The following ZMAT5 variants were observed in gnomAD, a reference collection of about 807,000 sequenced individuals.
The protein encoded by ZMAT5 is zinc finger matrin-type protein 5.
Under a neutral mutation model 28.0 loss-of-function variants are expected in ZMAT5, and 23 were observed. The observed-to-expected ratio is 0.82, with a 90% CI of 0.59 to 1.16. ZMAT5 has a LOEUF of 1.16. Ranked by LOEUF, ZMAT5 falls within the 50% of genes most tolerant of loss-of-function variation. The pLI is 0.00. For missense variants in ZMAT5, 173 were observed against 212.7 expected, an observed-to-expected ratio of 0.81 and a Z score of 1.16; for synonymous variants, 76 against 84.1, an observed-to-expected ratio of 0.90 and a Z score of 0.52.
rs776429922 is a variant in ZMAT5, at chr22:29,748,430, C to T, written c.115G>A (p.Asp39Asn). Residue 39 changes from aspartate (D) to asparagine (N), a missense_variant, in exon 2 of 6, where the codon GAC becomes AAC. Coordinates refer to ENST00000344318, the MANE Select transcript of ZMAT5 (RefSeq NM_001003692.2). ...QHLKAKKVWY[D>N]MFRDAAAILL... ...CAGCGGCACCCACCTCGGAACATGT[C>T]GTACCAGACCTTCTTGGCCTTGAGG... 2 of 1,614,228 alleles carry T rather than the reference C, an allele frequency of 1.2e-6. No individual in the cohort carries two copies. The highest frequency in any genetic ancestry group is 1.1e-5 in the South Asian group (1 of 91,080).
intron 5 of ZMAT5, among the ~76,000 whole-genome samples, chr22:29,733,848 A>G (rs2067877937): frequency 6.6e-6 from 1 of 152,216 alleles, no homozygotes; most frequent in Admixed American, 6.5e-5. Context: ...GTAGACAGGC[A>G]TACCCAGTGC....
chr22:29,753,332 C>T (rs2068071051), intron 1 of ZMAT5, among the ~76,000 whole-genome samples: 1 of 152,214 alleles, frequency 6.6e-6, no homozygotes, highest in African/African-American at 2.4e-5. Flanking sequence ...AGAGACCAGC[C>T]TGGCCAACAC....
At chr22:29,739,936 C>T (rs1649515610) in intron 4 of ZMAT5, among the ~76,000 whole-genome samples, 1 of 152,228 alleles carries the variant, frequency 6.6e-6, no homozygotes, top group Non-Finnish European at 1.5e-5. Flanking sequence ...CTGCCCCAGA[C>T]CTTCACTGGC....
rs1039492416 is a variant in ZMAT5 at position 29,756,846 on chromosome 22, G to A, written c.-27-8275C>T. 3.3e-5 allele frequency among the ~76,000 whole-genome samples: 5 copies of A among 152,040 alleles called. No homozygotes were observed. The East Asian group carries it at 7.7e-4, about 24-fold the overall frequency. On this transcript the variant is annotated intron_variant, in intron 1 of 5. Transcript: ENST00000344318. ...GTGGATCACCTGAGGTCAAGAGTTC[G>A]AGGCTATCATGGTGAAACCCCATCT...
At chr22:29,744,310 G>A (rs1185198065) in intron 2 of ZMAT5, among the ~76,000 whole-genome samples, 1 of 150,952 alleles carries the variant, frequency 6.6e-6, no homozygotes, top group Non-Finnish European at 1.5e-5. Context: ...CCACTTTGCA[G>A]AGGGGAAAAC....
intron 1 of ZMAT5, among the ~76,000 whole-genome samples, chr22:29,759,088 G>T (rs1236877145): frequency 1.3e-5 from 2 of 152,220 alleles, no homozygotes; most frequent in African/African-American, 4.8e-5. Flanking sequence ...CCCAAGGCCT[G>T]GTGAAGGTCG....
intron 2 of ZMAT5, chr22:29,746,132 C>T (rs1467140220): frequency 6.6e-6 from 1 of 152,136 alleles, no homozygotes; most frequent in Non-Finnish European, 1.5e-5. Context: ...GCCACCATGC[C>T]TGGCTAATTT....
chr22:29,751,927 T>C (rs975209036), intron 1 of ZMAT5, among the ~76,000 whole-genome samples: 9 of 152,032 alleles, frequency 5.9e-5, no homozygotes, highest in African/African-American at 2.2e-4. Context: ...GACTGAGCCA[T>C]TGTACTCCAG....
chr22:29,738,408 G>C lies in ZMAT5; in HGVS notation c.305C>G (p.Ala102Gly). 1 of 1,610,730 alleles carries C rather than the reference G, an allele frequency of 6.2e-7. No homozygotes were observed. Among genetic ancestry groups the C allele is most frequent in the South Asian group, 1.1e-5 (1 of 91,028 alleles). ...CAGATGGCCCTCGGGGAGCTCAGGA[G>C]CATCTAGTAGCCACTCCCTGGCTCG... ...ERRAREWLLDAPELPEGHLED... is the reference protein window; with the variant it reads ...ERRAREWLLDGPELPEGHLED... The change falls in exon 5 of 6, where the codon GCT becomes GGT. Residue 102 changes from alanine to glycine, a missense_variant. Transcript: ENST00000344318.
chr22:29,745,097 G>A (rs1034945102), intron 2 of ZMAT5, among the ~76,000 whole-genome samples: 4 of 152,230 alleles, frequency 2.6e-5, no homozygotes, highest in Admixed American at 6.5e-5. Flanking sequence ...AGAACAAGTC[G>A]GAGCTGGTCC....
At chr22:29,739,227 C>T (rs1216441368) in intron 4 of ZMAT5, among the ~76,000 whole-genome samples, 1 of 152,110 alleles carries the variant, frequency 6.6e-6, no homozygotes, top group Non-Finnish European at 1.5e-5. Context: ...AACCAATCAA[C>T]GAATGGAATT....
chr22:29,740,743 G>C lies in ZMAT5; in HGVS notation c.191-13C>G, dbSNP rs1435212356. ...AAGTCGCACTGGCCTGCAGCAGGAAGACAGAGTTACTCGCTGCTCGGGAGG... is the reference window on the plus strand; with the variant it reads ...AAGTCGCACTGGCCTGCAGCAGGAACACAGAGTTACTCGCTGCTCGGGAGG... On this transcript the variant is annotated splice_polypyrimidine_tract_variant and intron_variant, in intron 3 of 5. Transcript: ENST00000344318. 6.3e-7 allele frequency: 1 copy of C among 1,586,392 alleles called. No individual in the cohort carries two copies. The highest frequency in any genetic ancestry group is 1.8e-5 in the Admixed American group (1 of 55,052).
At position 29,740,617 on chromosome 22, in the gene ZMAT5, C is replaced by T. The variant is rs2232900; in HGVS notation, c.271+33G>A. On this transcript the variant is annotated intron_variant, in intron 4 of 5. Coordinates refer to ENST00000344318, the MANE Select transcript of ZMAT5 (RefSeq NM_001003692.2). The stretch of plus-strand genomic sequence containing the variant: ...AGAGCCCACATGCCCCAGCACCCCA[C>T]TCCCGCTTAGCCCAGGGCATCCCGA... 12,535 of 1,567,232 alleles carry T rather than the reference C, an allele frequency of 8.0e-3. 71 individuals carry two copies. The highest frequency in any genetic ancestry group is 9.0e-3 in the Non-Finnish European group (10,345 of 1,154,088).
rs747973696 is a variant in ZMAT5, at chr22:29,738,415, G to C, written c.298C>G (p.Leu100Val). 9 of 1,609,864 alleles carry C rather than the reference G, an allele frequency of 5.6e-6. No homozygotes were observed. The highest frequency in any genetic ancestry group is 7.6e-6 in the Non-Finnish European group (9 of 1,179,740). ...CCCTCGGGGAGCTCAGGAGCATCTAGTAGCCACTCCCTGGCTCGCCTCTCC... is the reference window on the plus strand; with the variant it reads ...CCCTCGGGGAGCTCAGGAGCATCTACTAGCCACTCCCTGGCTCGCCTCTCC... ...EEERRAREWL[L>V]DAPELPEGHL... Residue 100 changes from leucine (L) to valine (V), a missense_variant, in exon 5 of 6, where the codon CTA becomes GTA. By Grantham distance (32) the Leu-to-Val change is conservative (BLOSUM62 1). Transcript: ENST00000344318.
chr22:29,735,948 T>C (rs2067900194), intron 5 of ZMAT5, among the ~76,000 whole-genome samples: 1 of 152,124 alleles, frequency 6.6e-6, no homozygotes, highest in Admixed American at 6.5e-5. Context: ...CTCACTCCAG[T>C]TCAGCCACAG....
At chr22:29,749,507 T>G (rs1601724414) in intron 1 of ZMAT5, among the ~76,000 whole-genome samples, 1 of 152,146 alleles carries the variant, frequency 6.6e-6, no homozygotes, top group East Asian at 1.9e-4. Flanking sequence ...TATGCCCTCC[T>G]GCAAACTCCC....
intron 2 of ZMAT5, among the ~76,000 whole-genome samples, chr22:29,744,277 C>T (rs1465032121): frequency 6.6e-6 from 1 of 151,884 alleles, no homozygotes. Flanking sequence ...TCCTCACAAA[C>T]CCTCTGAACA....
At chr22:29,738,497 C>T (rs1033700538) in intron 4 of ZMAT5, 56 bp from the exon 5 acceptor site, 3 of 1,511,522 alleles carry the variant, frequency 2.0e-6, no homozygotes, top group Non-Finnish European at 2.7e-6. Context: ...CTGCCAGAAC[C>T]CTACCCTCTC....
At chr22:29,741,993 T>G (rs1191511399) in intron 3 of ZMAT5, among the ~76,000 whole-genome samples, 2 of 151,168 alleles carry the variant, frequency 1.3e-5, no homozygotes, top group Admixed American at 1.3e-4. Flanking sequence ...AGTAGCTGAG[T>G]ACTGAGCAGT....
Sources: gnomAD v4.1 joint callset for allele counts (sites outside exome capture counted in the v4.1 genomes callset) on GRCh38, gnomAD v4.1.1 for gene constraint, MANE v1.5 for transcripts, NCBI Gene and HGNC (gene_info 2026-07-23, HGNC 2026-07-21) for gene names.